AFF3: variants seen among roughly 807,000 people sequenced by gnomAD.
AFF3 encodes AF4/FMR2 family member 3.
A neutral mutation model predicts 129.7 loss-of-function variants in AFF3; 32 were observed. The observed-to-expected ratio is 0.25, with a 90% CI of 0.19 to 0.33. The LOEUF (loss-of-function observed/expected upper bound fraction) is 0.33. Among genes scored for constraint, AFF3 ranks in the 10% least tolerant of loss-of-function variants. AFF3 has a pLI of 1.00. For synonymous variants in AFF3, 644 were observed against 635.4 expected (o/e 1.01, Z -0.20); for missense variants, 1,373 against 1,592.0 (o/e 0.86, Z 2.34).
chr2:99,612,888 G>A (rs2105224208), intron 13 of AFF3, among the ~76,000 whole-genome samples: 1 of 152,268 alleles, frequency 6.6e-6, no homozygotes, highest in East Asian at 1.9e-4. Context: ...GGGCTACAAA[G>A]CAGCATGATC....
intron 7 of AFF3, among the ~76,000 whole-genome samples, chr2:99,856,615 A>G (rs923651482): frequency 3.9e-5 from 6 of 152,146 alleles, no homozygotes; most frequent in African/African-American, 1.4e-4. Flanking sequence ...CTGGAACCAA[A>G]TAACTACTAT....
rs189250849 is a variant in AFF3, at chr2:99,586,557, C to T, written c.2591+597G>A. Among the ~76,000 whole-genome samples, 11 of 152,274 alleles carry T rather than the reference C, an allele frequency of 7.2e-5. No individual in the cohort carries two copies. In the East Asian group the frequency reaches 1.2e-3, roughly 16 times the overall value. On this transcript the variant is annotated intron_variant, in intron 16 of 24. Transcript: ENST00000672756. ...TATTTCAAAATGGAAAGAGCTTCTA[C>T]GACTGATGATAAGCTACTTGTTTCT...
At chr2:99,712,192 T>C (rs534339483) in intron 11 of AFF3, among the ~76,000 whole-genome samples, 73 of 152,354 alleles carry the variant, frequency 4.8e-4, no homozygotes, top group African/African-American at 1.6e-3. Context: ...GTCAGTTCTT[T>C]GGGTTAAAAC....
At chr2:99,623,841 T>C (rs988756661) in intron 13 of AFF3, among the ~76,000 whole-genome samples, 3 of 152,118 alleles carry the variant, frequency 2.0e-5, no homozygotes, top group Non-Finnish European at 2.9e-5. Context: ...CAAGGCCAGG[T>C]GGGGCCAGGG....
At chr2:99,774,508 A>C (rs145762309) in intron 8 of AFF3, among the ~76,000 whole-genome samples, 3,417 of 152,336 alleles carry the variant, frequency 0.022, 46 homozygotes, top group Admixed American at 0.056. Context: ...TCCCTATTTA[A>C]TAAATTGTGC....
chr2:99,993,849 A>G (rs990594055), intron 7 of AFF3, among the ~76,000 whole-genome samples: 2 of 114,356 alleles, frequency 1.7e-5, no homozygotes, highest in South Asian at 2.8e-4. Flanking sequence ...CTTGTTGCCC[A>G]GGCTGGAGTG....
At chr2:99,669,565 G>A (rs1686970961) in intron 12 of AFF3, among the ~76,000 whole-genome samples, 1 of 152,186 alleles carries the variant, frequency 6.6e-6, no homozygotes, top group Admixed American at 6.5e-5. Flanking sequence ...CTGCAGAGTG[G>A]TGACTGGTGG....
At chr2:99,988,204 A>C (rs1680036589) in intron 7 of AFF3, among the ~76,000 whole-genome samples, 1 of 152,238 alleles carries the variant, frequency 6.6e-6, no homozygotes, top group African/African-American at 2.4e-5. Flanking sequence ...ATGAAGGAAC[A>C]TAGAAAGCAA....
chr2:100,018,769 A>G (rs1172165797), intron 4 of AFF3, among the ~76,000 whole-genome samples: 2 of 152,018 alleles, frequency 1.3e-5, no homozygotes, highest in Non-Finnish European at 2.9e-5. Flanking sequence ...ACCCACTTGC[A>G]AAGTCCCTAC....
At chr2:99,653,704 T>C (rs1193162519) in intron 12 of AFF3, among the ~76,000 whole-genome samples, 2 of 152,042 alleles carry the variant, frequency 1.3e-5, no homozygotes, top group African/African-American at 4.8e-5. Flanking sequence ...TTTAGCAGAC[T>C]GGTGTGATGC....
chr2:99,752,069 A>G, intron 9 of AFF3, 152 bp downstream of exon 9: 1 of 607,762 alleles, frequency 1.6e-6, no homozygotes, highest in Non-Finnish European at 2.8e-6. Context: ...ATAAATGAAT[A>G]AGTATGCGCT....
At chr2:99,803,678 A>T (rs1279062346) in intron 8 of AFF3, among the ~76,000 whole-genome samples, 1 of 152,228 alleles carries the variant, frequency 6.6e-6, no homozygotes, top group Admixed American at 6.5e-5. Flanking sequence ...ATGACTTCAA[A>T]CTATACTATA....
intron 4 of AFF3, among the ~76,000 whole-genome samples, chr2:100,064,658 C>A (rs1238963027): frequency 6.6e-6 from 1 of 152,192 alleles, no homozygotes; most frequent in African/African-American, 2.4e-5. Flanking sequence ...CTATCTCTCA[C>A]CATTTGCTTT....
intron 7 of AFF3, among the ~76,000 whole-genome samples, chr2:99,951,934 A>G (rs1480300432): frequency 2.0e-5 from 3 of 152,168 alleles, no homozygotes. Flanking sequence ...TGTCTTTGCA[A>G]CCCTGGAACT....
At chr2:99,956,999 A>G (rs1676712228) in intron 7 of AFF3, among the ~76,000 whole-genome samples, 1 of 152,244 alleles carries the variant, frequency 6.6e-6, no homozygotes, top group African/African-American at 2.4e-5. Flanking sequence ...AACAGCTGAG[A>G]GTGGTGCTTA....
intron 13 of AFF3, among the ~76,000 whole-genome samples, chr2:99,621,681 C>A (rs545962185): frequency 4.6e-5 from 7 of 152,178 alleles, no homozygotes; most frequent in East Asian, 1.9e-4. Context: ...GCGCTCAATG[C>A]GGCCATAAAA....
At chr2:99,623,090 C>T (rs926168102) in intron 13 of AFF3, among the ~76,000 whole-genome samples, 12 of 151,556 alleles carry the variant, frequency 7.9e-5, no homozygotes, top group African/African-American at 1.9e-4. Flanking sequence ...CACGTGCCTC[C>T]GTTAACTCCA....
intron 7 of AFF3, among the ~76,000 whole-genome samples, chr2:99,865,410 T>C (rs1691317638): frequency 6.6e-6 from 1 of 152,204 alleles, no homozygotes; most frequent in East Asian, 1.9e-4. Context: ...TACATGAGCA[T>C]GGAAGGTCCT....
chr2:99,850,814 G>A (rs1024432282), intron 7 of AFF3, among the ~76,000 whole-genome samples: 1 of 152,102 alleles, frequency 6.6e-6, no homozygotes, highest in Non-Finnish European at 1.5e-5. Context: ...TATTCTAAAA[G>A]TACCAATCTA....
Sources: allele counts gnomAD v4.1 joint callset (sites outside exome capture counted in the v4.1 genomes callset), GRCh38; gene constraint gnomAD v4.1.1; transcripts MANE v1.5; gene names NCBI Gene and HGNC (gene_info 2026-07-23, HGNC 2026-07-21).